The following NCOA1 variants were observed in gnomAD, a reference collection of about 807,000 sequenced individuals.
NCOA1 encodes the protein nuclear receptor coactivator 1.
Under a neutral mutation model 150.9 loss-of-function variants are expected in NCOA1, and 35 were observed. That is an observed-to-expected ratio of 0.23 (90% confidence interval 0.18 to 0.31). The LOEUF (loss-of-function observed/expected upper bound fraction) is 0.31, where lower values mean the gene tolerates loss of function less well. Ranked by LOEUF, NCOA1 falls within the 10% of genes least tolerant of loss-of-function variation. NCOA1 has a pLI of 1.00. For missense variants in NCOA1, 1,491 were observed against 1,749.3 expected (o/e 0.85, Z 2.63); for synonymous variants, 590 against 630.0 (o/e 0.94, Z 0.95).
chr2:24,666,184 T>A (rs1321104905), intron 6 of NCOA1, among the ~76,000 whole-genome samples: 1 of 151,640 alleles, frequency 6.6e-6, no homozygotes, highest in Admixed American at 6.6e-5. Context: ...GCTGATCTTT[T>A]TGTATTTTTT....
At chr2:24,537,239 TACACACACACAC>T (rs36086647) in intron 1 of NCOA1, among the ~76,000 whole-genome samples, 1 of 148,668 alleles carries the variant, frequency 6.7e-6, no homozygotes, top group Non-Finnish European at 1.5e-5. Context: ...CTGTGATACA[TACACACACACAC>T]ACACACACAC....
In NCOA1 at chr2:24,707,193, A is replaced by G; in HGVS notation, c.1723A>G (p.Ile575Val). The change falls in exon 13 of 23, where the codon ATA becomes GTA. Residue 575 changes from isoleucine (I) to valine (V), a missense_variant. By Grantham distance (29) the Ile-to-Val change is conservative (BLOSUM62 3). Around this residue, in one of 8 missense-constraint regions of NCOA1, gnomAD observed 703 missense variants for 717.7 expected, o/e 0.98. Coordinates refer to ENST00000348332, the MANE Select transcript of NCOA1 (RefSeq NM_003743.5). ...SSQNSPSRLNIQPAKAESKDN... is the reference protein window; with the variant it reads ...SSQNSPSRLNVQPAKAESKDN... ...ACAGAATTCACCTAGCAGATTAAAT[A>G]TACAACCAGCAAAAGCTGAGTCCAA... 1 of 1,614,232 alleles carries G rather than the reference A, an allele frequency of 6.2e-7. No individual in the cohort carries two copies. Among genetic ancestry groups the G allele is most frequent in the Non-Finnish European group, 8.5e-7 (1 of 1,180,038 alleles).
intron 4 of NCOA1, among the ~76,000 whole-genome samples, chr2:24,647,811 TATACCAC>T (rs1165496311): frequency 6.6e-6 from 1 of 152,210 alleles, no homozygotes; most frequent in Non-Finnish European, 1.5e-5. Context: ...TAAGCATGCT[TATACCAC>T]TGAAGTGGCC....
chr2:24,531,271 G>C (rs1201980047), intron 1 of NCOA1, among the ~76,000 whole-genome samples: 1 of 152,034 alleles, frequency 6.6e-6, no homozygotes, highest in East Asian at 1.9e-4. Context: ...TCACCACCTT[G>C]TAAAGATATT....
intron 19 of NCOA1, among the ~76,000 whole-genome samples, chr2:24,745,157 C>CT (rs201221705): frequency 0.04 from 5,280 of 131,678 alleles, 282 homozygotes; most frequent in African/African-American, 0.12. Flanking sequence ...TTTCTTTTTT[C>CT]TTTTTTTTTT....
chr2:24,601,653 G>A (rs1025735527), intron 3 of NCOA1, among the ~76,000 whole-genome samples: 1 of 146,002 alleles, frequency 6.8e-6, no homozygotes, highest in Non-Finnish European at 1.5e-5. Flanking sequence ...CTTTTTTTGA[G>A]ATGGAGTCTC....
intron 1 of NCOA1, among the ~76,000 whole-genome samples, chr2:24,547,058 A>C (rs1050997653): frequency 6.6e-6 from 1 of 152,192 alleles, no homozygotes; most frequent in Non-Finnish European, 1.5e-5. Context: ...TGATAGGTGG[A>C]ATGACATGTG....
chr2:24,656,528 A>G (rs1465005858), intron 4 of NCOA1, among the ~76,000 whole-genome samples: 2 of 152,234 alleles, frequency 1.3e-5, no homozygotes, highest in Non-Finnish European at 2.9e-5. Context: ...GTTGTTAATT[A>G]TAGTTACCTA....
intron 14 of NCOA1, among the ~76,000 whole-genome samples, chr2:24,718,616 GAGGTC>G (rs1162110101): frequency 6.6e-6 from 1 of 151,604 alleles, no homozygotes; most frequent in Non-Finnish European, 1.5e-5. Flanking sequence ...CAGATCACTT[GAGGTC>G]AGGAGTTCAA....
chr2:24,608,052 A>G (rs1006546795), intron 3 of NCOA1, among the ~76,000 whole-genome samples: 2 of 152,020 alleles, frequency 1.3e-5, no homozygotes, highest in Non-Finnish European at 2.9e-5. Flanking sequence ...TGTACTTTTA[A>G]GCAAAACTAA....
chr2:24,608,710 T>G (rs1356977262), intron 3 of NCOA1, among the ~76,000 whole-genome samples: 10 of 150,444 alleles, frequency 6.6e-5, no homozygotes, highest in African/African-American at 7.3e-5. Context: ...TTGTGTTTTT[T>G]TTTTTTTTTT....
At chr2:24,673,183 C>G (rs1417176865) in intron 6 of NCOA1, among the ~76,000 whole-genome samples, 183 bp from the exon 7 acceptor site, 2 of 152,066 alleles carry the variant, frequency 1.3e-5, no homozygotes, top group African/African-American at 4.8e-5. Flanking sequence ...ATTACTTAAC[C>G]TTTGTGATGT....
chr2:24,713,972 A>G (rs938339101), intron 14 of NCOA1, among the ~76,000 whole-genome samples: 5 of 152,208 alleles, frequency 3.3e-5, no homozygotes, highest in Admixed American at 2.6e-4. Context: ...ACGATACTCC[A>G]TCAGGTGGGG....
chr2:24,696,876 T>A (rs954385438), intron 10 of NCOA1, among the ~76,000 whole-genome samples: 5 of 151,178 alleles, frequency 3.3e-5, no homozygotes, highest in Non-Finnish European at 5.9e-5. Context: ...AATTCTTAAT[T>A]TATATATATA....
At position 24,706,705 on chromosome 2, in the gene NCOA1, A is replaced by G; in HGVS notation, c.1235A>G (p.Asn412Ser). Residue 412 changes from asparagine to serine, a missense_variant, in exon 13 of 23, where the codon AAC becomes AGC. This residue lies in a region of NCOA1 where 703 missense variants were observed against 717.7 expected (regional missense o/e 0.98). Coordinates refer to ENST00000348332, the MANE Select transcript of NCOA1 (RefSeq NM_003743.5). ...TCCACATTGCCACCATCCAACAGCA[A>G]CATGGTATCCACCAGAATAAACCGC... ...RSSTLPPSNS[N>S]MVSTRINRQQ... 6.2e-7 allele frequency: 1 copy of G among 1,614,236 alleles called. No homozygotes were observed. Among genetic ancestry groups the G allele is most frequent in the South Asian group, 1.1e-5 (1 of 91,088 alleles).
rs146408085 is a variant in NCOA1 at position 24,742,115 on chromosome 2, A to G, written c.3635A>G (p.Asn1212Ser). The change falls in exon 19 of 23, where the codon AAC becomes AGC. Residue 1212 changes from asparagine (N) to serine (S), a missense_variant. Physicochemically the swap from Asn to Ser is conservative, Grantham distance 46. This residue lies in a region of NCOA1 where 485 missense variants were observed against 522.8 expected (regional missense o/e 0.93). Coordinates refer to ENST00000348332, the MANE Select transcript of NCOA1 (RefSeq NM_003743.5). ...ATGGTGAGCAGAGGCATGACAGGAAACATAGGAGGACAGTTTGGCACTGGA... is the reference window on the plus strand; with the variant it reads ...ATGGTGAGCAGAGGCATGACAGGAAGCATAGGAGGACAGTTTGGCACTGGA... Reference protein sequence around the residue: ...NSMVSRGMTGNIGGQFGTGIN... With the variant: ...NSMVSRGMTGSIGGQFGTGIN... 7 of 1,614,052 alleles carry G rather than the reference A, an allele frequency of 4.3e-6. No homozygotes were observed. The highest frequency in any genetic ancestry group is 3.3e-5 in the Admixed American group (2 of 60,010).
chr2:24,735,258 A>G (rs1380269563), intron 17 of NCOA1, among the ~76,000 whole-genome samples: 1 of 152,196 alleles, frequency 6.6e-6, no homozygotes, highest in Admixed American at 6.5e-5. Context: ...ATGACTGGCA[A>G]AGGACTAGTG....
intron 1 of NCOA1, among the ~76,000 whole-genome samples, chr2:24,528,493 C>T (rs925331402): frequency 3.3e-5 from 5 of 151,620 alleles, no homozygotes; most frequent in Admixed American, 6.6e-5. Context: ...ACCACAGGTG[C>T]GTTCCACCAC....
At chr2:24,658,843 AT>A in intron 5 of NCOA1, 77 bp downstream of exon 5, 2 of 1,306,596 alleles carry the variant, frequency 1.5e-6, no homozygotes, top group South Asian at 2.5e-5. Flanking sequence ...CTTTTGTTTA[AT>A]CTACTCCAAG....
Sources: gnomAD v4.1 joint callset for allele counts (sites outside exome capture counted in the v4.1 genomes callset) on GRCh38, gnomAD v4.1.1 for gene constraint, gnomAD v4.1.1 regional missense constraint, MANE v1.5 for transcripts, NCBI Gene and HGNC (gene_info 2026-07-23, HGNC 2026-07-21) for gene names.